The following CDH13 variants were observed in gnomAD, a reference collection of about 807,000 sequenced individuals.
CDH13 encodes the protein cadherin-13.
A neutral mutation model predicts 63.8 loss-of-function variants in CDH13; 24 were observed. That is an observed-to-expected ratio of 0.38 (90% CI 0.27 to 0.53). The LOEUF (loss-of-function observed/expected upper bound fraction) is 0.53. Among genes scored for constraint, CDH13 ranks in the 20% least tolerant of loss-of-function variants. The pLI is 0.85. For synonymous variants in CDH13, 503 were observed against 355.3 expected (o/e 1.42, Z -4.67); for missense variants, 1,049 against 903.1 (o/e 1.16, Z -2.07).
At chr16:83,146,223 A>T (rs990644681) in intron 4 of CDH13, among the ~76,000 whole-genome samples, 62 of 150,878 alleles carry the variant, frequency 4.1e-4, no homozygotes, top group African/African-American at 1.5e-3. Context: ...AAAGAAAAGG[A>T]AGGAGGGAAG....
At chr16:83,019,384 A>C (rs924819390) in intron 2 of CDH13, among the ~76,000 whole-genome samples, 56 of 152,264 alleles carry the variant, frequency 3.7e-4, no homozygotes, top group African/African-American at 4.6e-4. Context: ...TGTCTCACTG[A>C]AAGGTCTTTA....
chr16:83,293,831 C>G lies in CDH13; in HGVS notation c.637-51031C>G, dbSNP rs2089521795. On this transcript the variant is annotated intron_variant, in intron 5 of 13. Coordinates refer to ENST00000567109, the MANE Select transcript of CDH13 (RefSeq NM_001257.5). The stretch of plus-strand genomic sequence containing the variant: ...CAGTTTCTTCCCAACAGAGTGGGAG[C>G]TAACAATAGGAATAACAATCAGAGC... 2.0e-5 allele frequency among the ~76,000 whole-genome samples: 3 copies of G among 152,114 alleles called. No homozygotes were observed. In the South Asian group the frequency reaches 6.2e-4, roughly 32 times the overall value.
intron 2 of CDH13, among the ~76,000 whole-genome samples, chr16:83,006,456 G>T (rs952433898): frequency 3.3e-5 from 5 of 152,140 alleles, no homozygotes; most frequent in African/African-American, 1.2e-4. Flanking sequence ...GCCTTTCAGG[G>T]ACAAATCAAA....
intron 6 of CDH13, among the ~76,000 whole-genome samples, chr16:83,414,588 G>T (rs1015981701): frequency 3.3e-5 from 5 of 151,514 alleles, no homozygotes; most frequent in African/African-American, 9.7e-5. Context: ...CCTCCCCCTA[G>T]ACCCTGACAG....
intron 8 of CDH13, among the ~76,000 whole-genome samples, chr16:83,659,490 G>A (rs924256743): frequency 3.3e-5 from 5 of 152,256 alleles, no homozygotes; most frequent in African/African-American, 1.2e-4. Context: ...AACTAAAAGG[G>A]ACCTCAGTGG....
intron 2 of CDH13, among the ~76,000 whole-genome samples, chr16:82,976,189 G>C (rs555888920): frequency 6.6e-6 from 1 of 152,316 alleles, no homozygotes; most frequent in East Asian, 1.9e-4. Flanking sequence ...CATTAGACAG[G>C]AACTCCAGAG....
chr16:83,393,371 TA>T (rs2091824895), intron 6 of CDH13, among the ~76,000 whole-genome samples: 2 of 152,308 alleles, frequency 1.3e-5, no homozygotes, highest in Admixed American at 1.3e-4. Flanking sequence ...CATGCTTGTT[TA>T]TGATGATGGA....
intron 3 of CDH13, among the ~76,000 whole-genome samples, chr16:83,068,339 A>C (rs997889787): frequency 3.3e-5 from 5 of 152,150 alleles, no homozygotes; most frequent in African/African-American, 1.2e-4. Flanking sequence ...AGGCTTATGG[A>C]GGAAAACTGA....
At chr16:82,639,578 TC>T in intron 1 of CDH13, 2 of 690,826 alleles carry the variant, frequency 2.9e-6, no homozygotes, top group South Asian at 1.8e-5. Context: ...TGTAATTCTT[TC>T]CCCAAACAAA....
intron 2 of CDH13, among the ~76,000 whole-genome samples, chr16:82,922,578 C>T (rs963422330): frequency 6.6e-6 from 1 of 152,178 alleles, no homozygotes; most frequent in African/African-American, 2.4e-5. Flanking sequence ...GCTGCTATAA[C>T]AGGTATGCCT....
Position 82,960,379 on chromosome 16 carries a change from G to T in CDH13, c.158-71631G>T, listed in dbSNP as rs1906784979. Among the ~76,000 whole-genome samples the T allele has an allele frequency of 4.6e-5, 7 of 152,174 alleles. No homozygotes were observed. In the South Asian group the frequency reaches 1.5e-3, roughly 32 times the overall value. ...ATTTGTCTTGATAATGGGAGGACAG[G>T]GGTGGGAGCTGACATGGGAAAGAGA... On this transcript the variant is annotated intron_variant, in intron 2 of 13. Transcript: ENST00000567109.
intron 6 of CDH13, among the ~76,000 whole-genome samples, chr16:83,482,232 C>T (rs2073786787): frequency 6.6e-6 from 1 of 152,232 alleles, no homozygotes; most frequent in Non-Finnish European, 1.5e-5. Context: ...CCAAAGAACA[C>T]TGATGAGGAC....
intron 8 of CDH13, among the ~76,000 whole-genome samples, chr16:83,658,528 G>C (rs373169032): frequency 1.4e-5 from 1 of 72,696 alleles, no homozygotes; most frequent in African/African-American, 6.4e-5. Context: ...ACCAGGTCCC[G>C]TATCCTCACC....
At chr16:82,772,968 T>C (rs1157153341) in intron 1 of CDH13, among the ~76,000 whole-genome samples, 1 of 152,098 alleles carries the variant, frequency 6.6e-6, no homozygotes, top group East Asian at 1.9e-4. Context: ...GGCTTAACCA[T>C]CTGGTTATCA....
chr16:83,193,383 G>A (rs1025258264), intron 4 of CDH13, among the ~76,000 whole-genome samples: 4 of 152,262 alleles, frequency 2.6e-5, no homozygotes, highest in South Asian at 4.1e-4. Flanking sequence ...AACTTGAATC[G>A]CAAGCCCTGC....
At chr16:82,887,920 C>T (rs999637771) in intron 2 of CDH13, among the ~76,000 whole-genome samples, 1 of 152,140 alleles carries the variant, frequency 6.6e-6, no homozygotes. Flanking sequence ...GTGTTGAAAA[C>T]AGCATGGAAG....
intron 3 of CDH13, among the ~76,000 whole-genome samples, chr16:83,094,423 A>G (rs549616728): frequency 1.3e-5 from 2 of 152,172 alleles, no homozygotes; most frequent in Non-Finnish European, 2.9e-5. Flanking sequence ...TACAACAGAG[A>G]TCTCAACTGA....
At chr16:83,556,762 C>A (rs2150680026) in intron 7 of CDH13, among the ~76,000 whole-genome samples, 1 of 152,296 alleles carries the variant, frequency 6.6e-6, no homozygotes, top group South Asian at 2.1e-4. Flanking sequence ...GAGAGGTAAT[C>A]TTTTCATGGG....
intron 5 of CDH13, among the ~76,000 whole-genome samples, chr16:83,273,551 C>G (rs958799087): frequency 6.6e-6 from 1 of 152,050 alleles, no homozygotes; most frequent in South Asian, 2.1e-4. Context: ...CAAAAAAGAA[C>G]GAGATCATGT....
Sources: allele counts gnomAD v4.1 joint callset (sites outside exome capture counted in the v4.1 genomes callset), GRCh38; gene constraint gnomAD v4.1.1; transcripts MANE v1.5; gene names NCBI Gene and HGNC (gene_info 2026-07-23, HGNC 2026-07-21).